ERLIN1: variants seen among roughly 807,000 people sequenced by gnomAD.
ERLIN1 encodes erlin-1.
ERLIN1 carries 24 observed loss-of-function variants against 46.9 expected under a neutral mutation model. The ratio of observed to expected loss-of-function variants is 0.51; its 90% confidence interval spans 0.37 to 0.72. The LOEUF (loss-of-function observed/expected upper bound fraction) is 0.72, where lower values mean the gene tolerates loss of function less well. ERLIN1 is among the 30% of genes least tolerant of loss of function. The probability of loss-of-function intolerance (pLI) is 0.00; values close to 1 mark genes in which losing one functional copy is unlikely to be tolerated. For missense variants in ERLIN1, 293 were observed against 417.9 expected (o/e 0.70, Z 2.61); for synonymous variants, 158 against 143.2 (o/e 1.10, Z -0.74).
At chr10:100,165,121 A>C (rs1288193069) in intron 7 of ERLIN1, among the ~76,000 whole-genome samples, 1 of 152,236 alleles carries the variant, frequency 6.6e-6, no homozygotes, top group Non-Finnish European at 1.5e-5. Context: ...GAAATGGTAT[A>C]AGAAAACACT....
In ERLIN1 at chr10:100,166,520, C is replaced by T. The variant is rs140972262; in HGVS notation, c.563+828G>A. ...AGGAAAATATAAAAGAAGAAAAAAACAATAAAAATCTGCATGGTAACAAAA... is the reference window on the plus strand; with the variant it reads ...AGGAAAATATAAAAGAAGAAAAAAATAATAAAAATCTGCATGGTAACAAAA... On this transcript the variant is annotated intron_variant, in intron 7 of 10. Transcript: ENST00000421367. 3.4e-4 allele frequency among the ~76,000 whole-genome samples: 52 copies of T among 151,774 alleles called. No homozygotes were observed. In the East Asian group the frequency reaches 9.5e-3, roughly 28 times the overall value.
chr10:100,183,532 C>A (rs969014435), intron 2 of ERLIN1, among the ~76,000 whole-genome samples: 1 of 152,206 alleles, frequency 6.6e-6, no homozygotes, highest in African/African-American at 2.4e-5. Flanking sequence ...GAAGTCAGTC[C>A]TTCCAAGCTT....
At chr10:100,165,738 C>T (rs1327264473) in intron 7 of ERLIN1, among the ~76,000 whole-genome samples, 1 of 151,990 alleles carries the variant, frequency 6.6e-6, no homozygotes, top group African/African-American at 2.4e-5. Context: ...ATAAAATTTT[C>T]TTTTTGAGAC....
rs1842736800 is a variant in ERLIN1, at chr10:100,150,267, G to A, written c.*1864C>T. ...ACACTCCTCACACATGGGAGTTTAA[G>A]CAGAAGTGCTTTAAGACTTCACAGC... On this transcript the variant is annotated 3_prime_UTR_variant, in exon 11 of 11. Coordinates refer to ENST00000421367, the MANE Select transcript of ERLIN1 (RefSeq NM_006459.4). 1 of 152,338 alleles carries A rather than the reference G, an allele frequency of 6.6e-6. No individual in the cohort carries two copies. Among genetic ancestry groups the A allele is most frequent in the Non-Finnish European group, 1.5e-5 (1 of 68,024 alleles). 9.4% of individuals were successfully genotyped at this position (152,338 alleles called of 1,614,324 possible). A position where few individuals can be genotyped will look rare whatever the true frequency, so the allele number is the denominator to read the frequency against.
chr10:100,184,811 T>C (rs1844867572), intron 1 of ERLIN1, among the ~76,000 whole-genome samples: 2 of 152,186 alleles, frequency 1.3e-5, no homozygotes, highest in African/African-American at 4.8e-5. Flanking sequence ...TGAGGGATAG[T>C]GGAAACAAGC....
At chr10:100,155,457 GT>G (rs147832945) in intron 9 of ERLIN1, among the ~76,000 whole-genome samples, 9 of 144,708 alleles carry the variant, frequency 6.2e-5, no homozygotes, top group Admixed American at 5.5e-4. Context: ...AATTAATTTT[GT>G]TTTTTTTTTG....
At chr10:100,184,984 A>C (rs544860970) in intron 1 of ERLIN1, among the ~76,000 whole-genome samples, 4 of 152,154 alleles carry the variant, frequency 2.6e-5, no homozygotes, top group African/African-American at 9.6e-5. Flanking sequence ...CCTGTCCCCA[A>C]CTTGAACAGC....
chr10:100,184,639 C>T (rs1361078293), intron 1 of ERLIN1, among the ~76,000 whole-genome samples: 1 of 152,144 alleles, frequency 6.6e-6, no homozygotes, highest in Non-Finnish European at 1.5e-5. Context: ...CTTGAAATGT[C>T]CTTTCTCTGG....
Position 100,185,848 on chromosome 10 carries a change from G to A in ERLIN1, c.-222C>T. On this transcript the variant is annotated 5_prime_UTR_variant, in exon 1 of 11. Transcript: ENST00000421367. ...GAGGCCAGTGGGCCGCCCCTGCTCG[G>A]TGAGCTTCCTGAAACTCCCTCTCCC... 1.8e-6 allele frequency: 1 copy of A among 568,460 alleles called. No individual in the cohort carries two copies. Among genetic ancestry groups the A allele is most frequent in the Non-Finnish European group, 3.1e-6 (1 of 318,672 alleles). 35.2% of individuals were successfully genotyped at this position (568,460 alleles called of 1,614,324 possible). A position where few individuals can be genotyped will look rare whatever the true frequency, so the allele number is the denominator to read the frequency against.
Position 100,170,016 on chromosome 10 carries a change from T to TCAAAA in ERLIN1, c.505-2615_505-2611dup, listed in dbSNP as rs548819888. On this transcript the variant is annotated intron_variant, in intron 6 of 10. Coordinates refer to ENST00000421367, the MANE Select transcript of ERLIN1 (RefSeq NM_006459.4). ...CTGGGCAACAGAGGGAGACCCTGTC[T>TCAAAA]CAAAACAAAACAAAACAAAACAACA... is the stretch of plus-strand genomic sequence containing the variant. Among the ~76,000 whole-genome samples, 210 of 152,228 alleles carry TCAAAA rather than the reference T, an allele frequency of 1.4e-3. 7 individuals are homozygous for TCAAAA. The South Asian group carries it at 0.037, about 27-fold the overall frequency.
chr10:100,169,083 G>T (rs1010715302), intron 6 of ERLIN1, among the ~76,000 whole-genome samples: 4 of 152,176 alleles, frequency 2.6e-5, no homozygotes, highest in African/African-American at 7.2e-5. Flanking sequence ...TTTCAAATAT[G>T]TGAAAACATA....
intron 5 of ERLIN1, 40 bp from the exon 6 acceptor site, chr10:100,174,321 A>AT (rs1844171128): frequency 7.1e-7 from 1 of 1,409,784 alleles, no homozygotes; most frequent in Non-Finnish European, 9.8e-7. Flanking sequence ...CATGATAGTC[A>AT]ATTTTTTTTA....
At chr10:100,177,451 C>T (rs977901220) in intron 4 of ERLIN1, among the ~76,000 whole-genome samples, 1 of 152,124 alleles carries the variant, frequency 6.6e-6, no homozygotes, top group African/African-American at 2.4e-5. Context: ...ACCTTACATC[C>T]CAATATATCC....
chr10:100,185,249 T>C (rs1193039377), intron 1 of ERLIN1, among the ~76,000 whole-genome samples: 1 of 152,218 alleles, frequency 6.6e-6, no homozygotes, highest in Non-Finnish European at 1.5e-5. Context: ...CCTTTCTTCC[T>C]TCTTCATTTT....
At chr10:100,180,464 T>C (rs773179459) in intron 2 of ERLIN1, among the ~76,000 whole-genome samples, 6 of 151,762 alleles carry the variant, frequency 4.0e-5, no homozygotes, top group African/African-American at 9.7e-5. Flanking sequence ...GTGAAAAAAA[T>C]AGTAGTTTGA....
Position 100,156,239 on chromosome 10 carries a change from A to T in ERLIN1, c.656-5T>A. ...CTTGTGCAATCTTCTCTGCTTCTATAATCATACAACATAAGAAGACACATT... is the reference window on the plus strand; with the variant it reads ...CTTGTGCAATCTTCTCTGCTTCTATTATCATACAACATAAGAAGACACATT... On this transcript the variant is annotated splice_polypyrimidine_tract_variant and splice_region_variant and intron_variant, in intron 8 of 10. Transcript: ENST00000421367. 6.3e-7 allele frequency: 1 copy of T among 1,597,808 alleles called. No individual in the cohort carries two copies. Among genetic ancestry groups the T allele is most frequent in the Non-Finnish European group, 8.6e-7 (1 of 1,165,906 alleles).
In ERLIN1 at chr10:100,178,206, GAAA is replaced by G; in HGVS notation, c.243-15_243-13del. On this transcript the variant is annotated splice_polypyrimidine_tract_variant and intron_variant, in intron 3 of 10. Transcript: ENST00000421367. ...TCATGACCCCACCACTAAAAACAAA[GAAA>G]AAAAGTGTGAACTACTAAAGGCAAT... The G allele has an allele frequency of 6.5e-7, 1 of 1,549,016 alleles. No individual in the cohort carries two copies. The highest frequency in any genetic ancestry group is 8.8e-7 in the Non-Finnish European group (1 of 1,141,984).
intron 8 of ERLIN1, among the ~76,000 whole-genome samples, chr10:100,162,816 C>G (rs192926345): frequency 3.9e-5 from 6 of 152,294 alleles, no homozygotes; most frequent in Admixed American, 3.9e-4. Context: ...CTATACTCAT[C>G]TCATTGAGGC....
chr10:100,158,539 A>G (rs1227975979), intron 8 of ERLIN1, among the ~76,000 whole-genome samples: 2 of 152,180 alleles, frequency 1.3e-5, no homozygotes, highest in Non-Finnish European at 2.9e-5. Context: ...TCACTGAAAA[A>G]AAAATTACTA....
Sources: allele counts gnomAD v4.1 joint callset (sites outside exome capture counted in the v4.1 genomes callset), GRCh38; gene constraint gnomAD v4.1.1; transcripts MANE v1.5; gene names NCBI Gene and HGNC (gene_info 2026-07-23, HGNC 2026-07-21).